The following PIK3C2G variants were observed in gnomAD, a reference collection of about 807,000 sequenced individuals.
The protein encoded by PIK3C2G is phosphatidylinositol 3-kinase C2 domain-containing subunit gamma.
Under a neutral mutation model 181.1 loss-of-function variants are expected in PIK3C2G, and 168 were observed. That is an observed-to-expected ratio of 0.93 (90% CI 0.82 to 1.05). The LOEUF is 1.05. Ranked by LOEUF, PIK3C2G falls within the 50% of genes least tolerant of loss-of-function variation. The pLI is 0.00. For missense variants in PIK3C2G, 1,869 were observed against 1,732.8 expected (o/e 1.08, Z -1.40); for synonymous variants, 573 against 592.2 (o/e 0.97, Z 0.47).
At chr12:18,705,714 A>T in the PIK3C2G span, among the ~76,000 whole-genome samples, 1 of 150,606 alleles carries the variant, frequency 6.6e-6, no homozygotes, top group Non-Finnish European at 1.5e-5. Flanking sequence ...AAAATCACAA[A>T]AATTAGCCAG....
chr12:18,545,158 T>G (rs1337824367), intron 25 of PIK3C2G, among the ~76,000 whole-genome samples: 3 of 151,908 alleles, frequency 2.0e-5, no homozygotes, highest in Non-Finnish European at 4.4e-5. Context: ...CATCTCTTGC[T>G]GCTCACCCAT....
intron 24 of PIK3C2G, among the ~76,000 whole-genome samples, chr12:18,527,555 A>C (rs1356892344): frequency 6.6e-6 from 1 of 152,124 alleles, no homozygotes; most frequent in Non-Finnish European, 1.5e-5. Context: ...GAGTTATAGC[A>C]TTGTTAATGT....
At chr12:18,328,126 T>C (rs534160114) in intron 8 of PIK3C2G, among the ~76,000 whole-genome samples, 109 of 152,092 alleles carry the variant, frequency 7.2e-4, no homozygotes, top group African/African-American at 2.5e-3. Context: ...GTAAATTAGA[T>C]GAACCAGGGT....
intron 14 of PIK3C2G, 26 bp from the exon 15 acceptor site, chr12:18,391,096 A>G (rs1943504335): frequency 6.3e-7 from 1 of 1,579,240 alleles, no homozygotes; most frequent in Non-Finnish European, 8.6e-7. Flanking sequence ...CCTTCAACAC[A>G]TGGCAAATCA....
chr12:18,257,637 A>AAAAAG (rs1175893990), upstream of PIK3C2G, among the ~76,000 whole-genome samples: 1 of 151,970 alleles, frequency 6.6e-6, no homozygotes, highest in African/African-American at 2.4e-5. Flanking sequence ...AGGGAAAGAA[A>AAAAAG]AAAAGAAAAG....
intron 32 of PIK3C2G, among the ~76,000 whole-genome samples, chr12:18,646,570 T>C (rs544748083): frequency 1.3e-5 from 2 of 152,152 alleles, no homozygotes; most frequent in Non-Finnish European, 2.9e-5. Flanking sequence ...GCTAAATCCA[T>C]GCTCACAGGG....
chr12:18,531,456 C>T lies in PIK3C2G; in HGVS notation c.3324-6700C>T, dbSNP rs76118591. Among the ~76,000 whole-genome samples, 591 of 152,224 alleles carry T rather than the reference C, an allele frequency of 3.9e-3. 12 individuals carry two copies. The East Asian group carries it at 0.057, about 15-fold the overall frequency. On this transcript the variant is annotated intron_variant, in intron 24 of 32. Transcript: ENST00000538779. Reference sequence around the variant, plus strand: ...TGCAACCAGGATACTGATATCAATACATTCAAAATACAGAACAATTTCATC... The same window carrying T: ...TGCAACCAGGATACTGATATCAATATATTCAAAATACAGAACAATTTCATC...
intron 24 of PIK3C2G, among the ~76,000 whole-genome samples, chr12:18,509,511 G>A (rs1942075558): frequency 6.6e-6 from 1 of 152,150 alleles, no homozygotes; most frequent in Non-Finnish European, 1.5e-5. Context: ...CTAAGCATCT[G>A]TGTTACTCTC....
intron 29 of PIK3C2G, among the ~76,000 whole-genome samples, chr12:18,578,754 A>C (rs1946350058): frequency 6.6e-6 from 1 of 152,150 alleles, no homozygotes. Context: ...TGTAGTCTAT[A>C]TGCCATAAAT....
chr12:18,689,511 T>C, the PIK3C2G span, among the ~76,000 whole-genome samples: 1 of 152,148 alleles, frequency 6.6e-6, no homozygotes, highest in South Asian at 2.1e-4. Flanking sequence ...AGATAATTCC[T>C]CTTCTTCCAA....
intron 18 of PIK3C2G, among the ~76,000 whole-genome samples, chr12:18,434,295 C>G (rs1355850166): frequency 6.6e-6 from 1 of 152,130 alleles, no homozygotes; most frequent in East Asian, 1.9e-4. Context: ...CCCCACCTGT[C>G]AATACTGTTG....
intron 24 of PIK3C2G, among the ~76,000 whole-genome samples, chr12:18,523,699 T>C (rs1457782991): frequency 6.6e-6 from 1 of 152,228 alleles, no homozygotes; most frequent in Admixed American, 6.5e-5. Context: ...CACCTCTTCA[T>C]GGCCAGAGTT....
At chr12:18,554,722 C>T (rs115189458) in intron 26 of PIK3C2G, among the ~76,000 whole-genome samples, 1,720 of 152,118 alleles carry the variant, frequency 0.011, 34 homozygotes, top group African/African-American at 0.039. Context: ...CGAAAGCATA[C>T]TCATAAGCTT....
At chr12:18,702,817 A>ATTTTT in the PIK3C2G span, among the ~76,000 whole-genome samples, 1 of 95,694 alleles carries the variant, frequency 1.0e-5, no homozygotes, top group African/African-American at 4.6e-5. Context: ...GGATAAAGTA[A>ATTTTT]CTTTTTTTTT....
intron 8 of PIK3C2G, among the ~76,000 whole-genome samples, chr12:18,328,068 C>T (rs941266403): frequency 1.3e-5 from 2 of 151,766 alleles, no homozygotes; most frequent in Admixed American, 6.6e-5. Context: ...GAAGTCCCTA[C>T]CATGAATGAC....
intron 31 of PIK3C2G, among the ~76,000 whole-genome samples, chr12:18,610,240 A>G (rs1161797745): frequency 6.6e-6 from 1 of 152,066 alleles, no homozygotes; most frequent in Non-Finnish European, 1.5e-5. Flanking sequence ...AACCTCACCA[A>G]CTATTTTAAT....
the PIK3C2G span, among the ~76,000 whole-genome samples, chr12:18,721,208 G>C: frequency 6.6e-6 from 1 of 151,974 alleles, no homozygotes; most frequent in South Asian, 2.1e-4. Flanking sequence ...AACTCATTTT[G>C]TTCCCTTAAA....
intron 16 of PIK3C2G, among the ~76,000 whole-genome samples, chr12:18,410,994 G>A (rs1944838986): frequency 6.6e-6 from 1 of 152,026 alleles, no homozygotes; most frequent in South Asian, 2.1e-4. Flanking sequence ...ATTTCTATAT[G>A]CAAGTCCATA....
At chr12:18,394,774 C>A (rs983535164) in intron 15 of PIK3C2G, among the ~76,000 whole-genome samples, 1 of 151,650 alleles carries the variant, frequency 6.6e-6, no homozygotes, top group Non-Finnish European at 1.5e-5. Context: ...AGAAAATAAA[C>A]CTTGAAAATA....
Sources: allele counts gnomAD v4.1 joint callset (sites outside exome capture counted in the v4.1 genomes callset), GRCh38; gene constraint gnomAD v4.1.1; transcripts MANE v1.5; gene names NCBI Gene and HGNC (gene_info 2026-07-23, HGNC 2026-07-21).